Variants in FARS2 observed in about 807,000 individuals in gnomAD.
FARS2 encodes phenylalanine--tRNA ligase, mitochondrial.
FARS2 carries 40 observed loss-of-function variants against 46.4 expected under a neutral mutation model. The observed-to-expected ratio is 0.86, with a 90% confidence interval of 0.67 to 1.12. The LOEUF is 1.12. FARS2 is among the 50% of genes most tolerant of loss of function. The probability of loss-of-function intolerance (pLI) is 0.00; values close to 1 mark genes in which losing one functional copy is unlikely to be tolerated. For missense variants in FARS2, 513 were observed against 567.9 expected (o/e 0.90, Z 0.98); for synonymous variants, 234 against 214.9 (o/e 1.09, Z -0.78).
At chr6:5,609,911 T>A in intron 5 of FARS2, 1 of 1,129,620 alleles carries the variant, frequency 8.9e-7, no homozygotes, top group South Asian at 1.2e-5. Flanking sequence ...GCATCTGGTG[T>A]TTGAGAATCT....
chr6:5,580,977 T>C (rs1001248644), intron 5 of FARS2, among the ~76,000 whole-genome samples: 3 of 152,248 alleles, frequency 2.0e-5, no homozygotes, highest in African/African-American at 7.2e-5. Context: ...CTGGAAAGTT[T>C]TCCCTCTGTG....
chr6:5,326,820 T>C (rs1197620826), intron 1 of FARS2, among the ~76,000 whole-genome samples: 2 of 152,178 alleles, frequency 1.3e-5, no homozygotes, highest in Non-Finnish European at 2.9e-5. Flanking sequence ...GATTTTTTTT[T>C]CTAGAGGCAA....
intron 1 of FARS2, among the ~76,000 whole-genome samples, chr6:5,349,743 C>A (rs538159962): frequency 6.6e-6 from 1 of 152,086 alleles, no homozygotes; most frequent in South Asian, 2.1e-4. Flanking sequence ...TAATCTTTTC[C>A]GGGCTGTGAC....
At chr6:5,365,418 A>AC (rs1381285993) in intron 1 of FARS2, among the ~76,000 whole-genome samples, 3 of 140,382 alleles carry the variant, frequency 2.1e-5, no homozygotes, top group South Asian at 4.4e-4. Flanking sequence ...TGAAGCCTGA[A>AC]CTCCTGGGTT....
At position 5,478,812 on chromosome 6, in the gene FARS2, T is replaced by C. The variant is rs114751142; in HGVS notation, c.904+47640T>C. ...TGGTTGTGGTTTGTTCATTCCCTCT[T>C]GGTGGCCACAAAGCAGGGCTTCCCA... is the stretch of plus-strand genomic sequence containing the variant. On this transcript the variant is annotated intron_variant, in intron 4 of 6. Coordinates refer to ENST00000274680, the MANE Select transcript of FARS2 (RefSeq NM_006567.5). 8.4e-3 allele frequency among the ~76,000 whole-genome samples: 1,278 copies of C among 152,186 alleles called. 22 individuals are homozygous for C. The highest frequency in any genetic ancestry group is 0.029 in the African/African-American group (1,188 of 41,514).
chr6:5,364,433 C>CT (rs1157216529), intron 1 of FARS2, among the ~76,000 whole-genome samples: 1 of 152,098 alleles, frequency 6.6e-6, no homozygotes, highest in Non-Finnish European at 1.5e-5. Context: ...CTGATTGTTT[C>CT]TTTTGTACCA....
chr6:5,522,664 G>T (rs116315316), intron 4 of FARS2, among the ~76,000 whole-genome samples: 3 of 152,028 alleles, frequency 2.0e-5, no homozygotes, highest in African/African-American at 7.2e-5. Context: ...CTTATATTCC[G>T]TAGCCATGGC....
At chr6:5,702,935 T>A (rs576409298) in intron 6 of FARS2, among the ~76,000 whole-genome samples, 1 of 152,246 alleles carries the variant, frequency 6.6e-6, no homozygotes, top group African/African-American at 2.4e-5. Context: ...CACCAAGAAA[T>A]TTCATATGAA....
intron 4 of FARS2, among the ~76,000 whole-genome samples, chr6:5,459,963 T>A (rs1310188129): frequency 6.6e-6 from 1 of 152,208 alleles, no homozygotes; most frequent in African/African-American, 2.4e-5. Context: ...GACTTAGCCA[T>A]GTCTTCCCTA....
At chr6:5,763,031 A>T (rs907652943) in intron 6 of FARS2, among the ~76,000 whole-genome samples, 2 of 152,134 alleles carry the variant, frequency 1.3e-5, no homozygotes, top group African/African-American at 4.8e-5. Context: ...GAATAGATGG[A>T]GGGGGCGAAG....
intron 4 of FARS2, among the ~76,000 whole-genome samples, chr6:5,513,288 G>T (rs1321727251): frequency 6.6e-6 from 1 of 152,180 alleles, no homozygotes; most frequent in Admixed American, 6.5e-5. Flanking sequence ...CTGGGGAAAG[G>T]AGCTGAGCCG....
chr6:5,418,520 G>A (rs2113693), intron 3 of FARS2, among the ~76,000 whole-genome samples: 7,176 of 152,224 alleles, frequency 0.047, 561 homozygotes, highest in African/African-American at 0.16. Flanking sequence ...TTGAGAACTG[G>A]CACTATTCCT....
chr6:5,750,632 G>A (rs55827003), intron 6 of FARS2, among the ~76,000 whole-genome samples: 2,647 of 152,196 alleles, frequency 0.017, 35 homozygotes, highest in Middle Eastern at 0.031. Flanking sequence ...CTGAAAAGTC[G>A]AAGGCAGTGG....
In FARS2 at chr6:5,359,029, C is replaced by CTTTTT. The variant is rs764897456; in HGVS notation, c.-21-9521_-21-9520insTTTTT. On this transcript the variant is annotated intron_variant, in intron 1 of 6. Coordinates refer to ENST00000274680, the MANE Select transcript of FARS2 (RefSeq NM_006567.5). ...TCGAATTATAGTGATGAAAAGATAC[C>CTTTTT]CTTTTTTTTTTTTTTTTTTTTTTTT... is the stretch of plus-strand genomic sequence containing the variant. 8.7e-4 allele frequency among the ~76,000 whole-genome samples: 63 copies of CTTTTT among 72,534 alleles called. 12 individuals are homozygous for CTTTTT. Among genetic ancestry groups the CTTTTT allele is most frequent in the Non-Finnish European group, 1.5e-3 (54 of 36,600 alleles). 47.6% of individuals were successfully genotyped at this position (72,534 alleles called of 152,430 possible).
chr6:5,455,611 G>C (rs1375270398), intron 4 of FARS2, among the ~76,000 whole-genome samples: 1 of 152,078 alleles, frequency 6.6e-6, no homozygotes, highest in Non-Finnish European at 1.5e-5. Context: ...AACATCTTTA[G>C]AATAAAATTC....
At chr6:5,380,980 T>C (rs944666796) in intron 2 of FARS2, among the ~76,000 whole-genome samples, 2 of 134,318 alleles carry the variant, frequency 1.5e-5, no homozygotes, top group African/African-American at 5.4e-5. Flanking sequence ...AATTATTTAT[T>C]TATTTATTTA....
intron 6 of FARS2, among the ~76,000 whole-genome samples, chr6:5,710,048 CCCTTGTCT>C (rs1759044572): frequency 6.6e-6 from 1 of 152,176 alleles, no homozygotes; most frequent in East Asian, 1.9e-4. Flanking sequence ...CCAACGCAGA[CCCTTGTCT>C]CCTGAGATGA....
intron 1 of FARS2, among the ~76,000 whole-genome samples, chr6:5,275,725 G>A (rs1463579812): frequency 6.6e-6 from 1 of 152,032 alleles, no homozygotes; most frequent in African/African-American, 2.4e-5. Flanking sequence ...CAGGATTTAG[G>A]TTTAGATTTT....
chr6:5,298,058 T>C (rs1672407610), intron 1 of FARS2, among the ~76,000 whole-genome samples: 1 of 152,266 alleles, frequency 6.6e-6, no homozygotes, highest in African/African-American at 2.4e-5. Context: ...ATGTTGCAGC[T>C]TTATCAACAG....
Sources: allele counts gnomAD v4.1 joint callset (sites outside exome capture counted in the v4.1 genomes callset), GRCh38; gene constraint gnomAD v4.1.1; transcripts MANE v1.5; gene names NCBI Gene and HGNC (gene_info 2026-07-23, HGNC 2026-07-21).